ZEB1: variants seen among roughly 807,000 people sequenced by gnomAD.
The protein encoded by ZEB1 is zinc finger E-box binding homeobox 1, also known as zinc finger E-box-binding homeobox 1.
In ZEB1, 21 loss-of-function variants were observed where a neutral mutation model predicts 84.9. The ratio of observed to expected loss-of-function variants is 0.25; its 90% CI spans 0.18 to 0.36. The LOEUF (loss-of-function observed/expected upper bound fraction) is 0.36. Ranked by LOEUF, ZEB1 falls within the 10% of genes least tolerant of loss-of-function variation. The pLI is 1.00. For synonymous variants in ZEB1, 420 were observed against 471.1 expected, an observed-to-expected ratio of 0.89 and a Z score of 1.41; for missense variants, 1,104 against 1,330.2, an observed-to-expected ratio of 0.83 and a Z score of 2.65.
rs1364236840 is a variant in ZEB1, at chr10:31,348,203, G to A, written c.58+28911G>A. On this transcript the variant is annotated intron_variant, in intron 1 of 8. Transcript: ENST00000424869. Reference sequence around the variant, plus strand: ...AAAGCAGAAGCAGGGAATGTCAGATGTACCTAGAAAAAGGAGCAAGTTAGG... The same window carrying A: ...AAAGCAGAAGCAGGGAATGTCAGATATACCTAGAAAAAGGAGCAAGTTAGG... 2.0e-5 allele frequency among the ~76,000 whole-genome samples: 3 copies of A among 152,276 alleles called. No homozygotes were observed. In the East Asian group the frequency reaches 5.8e-4, roughly 29 times the overall value.
chr10:31,386,138 A>C, intron 1 of ZEB1, among the ~76,000 whole-genome samples: 1 of 151,960 alleles, frequency 6.6e-6, no homozygotes. Flanking sequence ...ATACTAAAGC[A>C]TTAAGAAGGT....
intron 1 of ZEB1, among the ~76,000 whole-genome samples, chr10:31,433,860 G>A (rs1430728551): frequency 6.6e-6 from 1 of 152,254 alleles, no homozygotes; most frequent in African/African-American, 2.4e-5. Flanking sequence ...TATCATCAGT[G>A]CAAATGCCAA....
intron 1 of ZEB1, among the ~76,000 whole-genome samples, chr10:31,448,451 G>A (rs1240019134): frequency 1.4e-5 from 2 of 147,692 alleles, no homozygotes; most frequent in African/African-American, 5.2e-5. Flanking sequence ...TTCCGTTGCT[G>A]GTGAGGAACT....
At chr10:31,414,165 C>A (rs908366380) in intron 1 of ZEB1, among the ~76,000 whole-genome samples, 1 of 152,238 alleles carries the variant, frequency 6.6e-6, no homozygotes, top group Middle Eastern at 3.4e-3. Context: ...AACAATATTG[C>A]CATTTTCAGA....
At chr10:31,415,179 A>G (rs116559721) in intron 1 of ZEB1, among the ~76,000 whole-genome samples, 2,879 of 152,214 alleles carry the variant, frequency 0.019, 87 homozygotes, top group African/African-American at 0.064. Context: ...TATAAAGTCT[A>G]TGTTTTCAAT....
At chr10:31,462,736 T>C (rs2137516752) in intron 2 of ZEB1, among the ~76,000 whole-genome samples, 1 of 152,294 alleles carries the variant, frequency 6.6e-6, no homozygotes, top group East Asian at 1.9e-4. Context: ...ATGGAAGCTA[T>C]GAGAAGAACA....
chr10:31,460,687 C>G (rs2061709539), intron 1 of ZEB1, among the ~76,000 whole-genome samples: 1 of 152,112 alleles, frequency 6.6e-6, no homozygotes, highest in African/African-American at 2.4e-5. Context: ...AAGTTACTCT[C>G]TCTCTGCCTT....
chr10:31,370,901 C>T lies in ZEB1; in HGVS notation c.58+51609C>T, dbSNP rs79425614. On this transcript the variant is annotated intron_variant, in intron 1 of 8. Transcript: ENST00000424869. ...AAGACTGTTTTTAAAAAAATTTTTGCGGAGACTGGGTGTTGCTTTGTTGCC... is the reference window on the plus strand; with the variant it reads ...AAGACTGTTTTTAAAAAAATTTTTGTGGAGACTGGGTGTTGCTTTGTTGCC... 1.3e-3 allele frequency among the ~76,000 whole-genome samples: 190 copies of T among 151,966 alleles called. 1 individual carries two copies. The highest frequency in any genetic ancestry group is 4.3e-3 in the African/African-American group (179 of 41,436).
intron 1 of ZEB1, chr10:31,321,405 G>A (rs1030832909): frequency 6.2e-7 from 1 of 1,604,590 alleles, no homozygotes; most frequent in Non-Finnish European, 8.5e-7. Context: ...TCTCATTGTG[G>A]AGAGATGACT....
chr10:31,522,990 G>A (rs1436792692), intron 7 of ZEB1, among the ~76,000 whole-genome samples: 1 of 152,170 alleles, frequency 6.6e-6, no homozygotes, highest in Non-Finnish European at 1.5e-5. Context: ...ATAGACTCAC[G>A]TGTCACGTGA....
At chr10:31,431,520 A>G (rs1478899477) in intron 1 of ZEB1, among the ~76,000 whole-genome samples, 1 of 152,220 alleles carries the variant, frequency 6.6e-6, no homozygotes, top group East Asian at 1.9e-4. Flanking sequence ...AGCATAAACA[A>G]AATTTATTTT....
At chr10:31,363,636 A>T (rs1433101481) in intron 1 of ZEB1, 52 of 1,488,054 alleles carry the variant, frequency 3.5e-5, no homozygotes, top group Middle Eastern at 1.7e-4. Context: ...TCACCTGATC[A>T]TCTAATGAAG....
At chr10:31,493,171 A>T (rs2066787707) in intron 2 of ZEB1, among the ~76,000 whole-genome samples, 1 of 151,886 alleles carries the variant, frequency 6.6e-6, no homozygotes, top group Non-Finnish European at 1.5e-5. Flanking sequence ...CCATCTTTAC[A>T]ATTGTGTTAT....
chr10:31,335,674 A>T (rs374010421), intron 1 of ZEB1, among the ~76,000 whole-genome samples: 2 of 152,096 alleles, frequency 1.3e-5, no homozygotes, highest in African/African-American at 2.4e-5. Context: ...TTTCCACTTC[A>T]TGGTAAAGTA....
chr10:31,319,258 G>C lies in ZEB1; in HGVS notation c.24G>C (p.Lys8Asn). The C allele has an allele frequency of 6.2e-7, 1 of 1,610,594 alleles. No individual in the cohort carries two copies. The highest frequency in any genetic ancestry group is 2.2e-5 in the East Asian group (1 of 44,666). The change falls in exon 1 of 9, where the codon AAG (lysine) becomes AAC (asparagine). Residue 8 changes from lysine (K) to asparagine (N), a missense_variant. Transcript: ENST00000424869. MADGPRC[K>N]RRKQANPRRN... ...TCATGGCGGATGGCCCCAGGTGTAAGCGCAGAAAGCAGGCGAACCCGCGGC... is the reference window on the plus strand; with the variant it reads ...TCATGGCGGATGGCCCCAGGTGTAACCGCAGAAAGCAGGCGAACCCGCGGC...
intron 1 of ZEB1, among the ~76,000 whole-genome samples, chr10:31,369,709 A>G (rs1236484614): frequency 6.6e-6 from 1 of 152,224 alleles, no homozygotes; most frequent in African/African-American, 2.4e-5. Context: ...TCCTTTGGCT[A>G]TATAACCAGA....
intron 2 of ZEB1, among the ~76,000 whole-genome samples, chr10:31,463,601 TCTA>T (rs1219004871): frequency 6.6e-6 from 1 of 152,216 alleles, no homozygotes; most frequent in Non-Finnish European, 1.5e-5. Context: ...ATTTTCCATC[TCTA>T]CCATCCTTGA....
chr10:31,442,382 G>A (rs951956699), intron 1 of ZEB1, among the ~76,000 whole-genome samples: 1 of 151,974 alleles, frequency 6.6e-6, no homozygotes, highest in Non-Finnish European at 1.5e-5. Flanking sequence ...CACAGGGTGG[G>A]GAACATCACA....
At chr10:31,346,096 G>C (rs556663554) in intron 1 of ZEB1, among the ~76,000 whole-genome samples, 2 of 152,248 alleles carry the variant, frequency 1.3e-5, no homozygotes, top group East Asian at 3.9e-4. Context: ...TTGGAAGTAT[G>C]AATAGTCATC....
Sources: gnomAD v4.1 joint callset for allele counts (sites outside exome capture counted in the v4.1 genomes callset) on GRCh38, gnomAD v4.1.1 for gene constraint, MANE v1.5 for transcripts, NCBI Gene and HGNC (gene_info 2026-07-23, HGNC 2026-07-21) for gene names.